Variants in EIF4G3 observed in about 807,000 individuals in gnomAD.
EIF4G3 encodes the protein eukaryotic translation initiation factor 4 gamma 3.
Under a neutral mutation model 186.4 loss-of-function variants are expected in EIF4G3, and 34 were observed. The observed-to-expected ratio is 0.18, with a 90% CI of 0.14 to 0.24. The LOEUF is 0.24. Ranked by LOEUF, EIF4G3 falls within the 10% of genes least tolerant of loss-of-function variation. The pLI, the probability that EIF4G3 is intolerant of heterozygous loss-of-function variation, is 1.00. For missense variants in EIF4G3, 1,536 were observed against 1,948.5 expected (o/e 0.79, Z 3.99); for synonymous variants, 673 against 679.5 (o/e 0.99, Z 0.15).
chr1:20,921,095 A>G (rs542018779), intron 14 of EIF4G3, among the ~76,000 whole-genome samples: 8 of 152,296 alleles, frequency 5.3e-5, no homozygotes, highest in East Asian at 1.9e-4. Flanking sequence ...GTAAACATTT[A>G]TAAGAAAATT....
intron 14 of EIF4G3, among the ~76,000 whole-genome samples, chr1:20,907,986 T>C (rs2092546796): frequency 6.6e-6 from 1 of 151,644 alleles, no homozygotes; most frequent in South Asian, 2.1e-4. Flanking sequence ...TCCACAATGG[T>C]TGAACTAGTT....
chr1:20,949,422 G>A (rs1288180433), intron 13 of EIF4G3, among the ~76,000 whole-genome samples: 1 of 152,096 alleles, frequency 6.6e-6, no homozygotes, highest in Non-Finnish European at 1.5e-5. Flanking sequence ...CCTGTGATAG[G>A]CATGTTCCCA....
chr1:21,021,219 A>G (rs534804041), intron 4 of EIF4G3, among the ~76,000 whole-genome samples: 1 of 152,292 alleles, frequency 6.6e-6, no homozygotes, highest in East Asian at 1.9e-4. Flanking sequence ...CCTGGCCTCA[A>G]GTGATCCGCC....
At chr1:20,945,936 T>G (rs1025472848) in intron 13 of EIF4G3, among the ~76,000 whole-genome samples, 1 of 152,226 alleles carries the variant, frequency 6.6e-6, no homozygotes, top group Non-Finnish European at 1.5e-5. Flanking sequence ...AGACACATAC[T>G]TTTTCATTTT....
intron 14 of EIF4G3, among the ~76,000 whole-genome samples, chr1:20,918,145 C>T (rs575580943): frequency 6.6e-6 from 1 of 152,250 alleles, no homozygotes; most frequent in Admixed American, 6.5e-5. Flanking sequence ...CCTCAGCACT[C>T]TGTGTCTGAT....
intron 4 of EIF4G3, among the ~76,000 whole-genome samples, chr1:21,035,733 C>T (rs942587576): frequency 5.9e-5 from 9 of 152,224 alleles, no homozygotes; most frequent in African/African-American, 2.2e-4. Flanking sequence ...GGGCCATAGG[C>T]AGTGGTGGGA....
intron 2 of EIF4G3, among the ~76,000 whole-genome samples, chr1:21,172,589 C>T (rs555956003): frequency 1.3e-5 from 2 of 152,232 alleles, no homozygotes; most frequent in African/African-American, 4.8e-5. Flanking sequence ...CTCGCTGTCA[C>T]CCAGGTTGGA....
At chr1:21,146,621 G>A (rs371426628) in intron 2 of EIF4G3, among the ~76,000 whole-genome samples, 1 of 152,006 alleles carries the variant, frequency 6.6e-6, no homozygotes, top group East Asian at 1.9e-4. Context: ...ACCGGGCATG[G>A]TGGTGGCCAC....
At chr1:20,825,625 G>C (rs1055403978) in intron 32 of EIF4G3, among the ~76,000 whole-genome samples, 3 of 152,124 alleles carry the variant, frequency 2.0e-5, no homozygotes, top group Admixed American at 6.5e-5. Context: ...GGTTATTTGG[G>C]ATTTATAAAC....
chr1:20,886,387 T>C lies in EIF4G3; in HGVS notation c.2254-16A>G. 1 of 1,611,336 alleles carries C rather than the reference T, an allele frequency of 6.2e-7. No homozygotes were observed. Among genetic ancestry groups the C allele is most frequent in the South Asian group, 1.1e-5 (1 of 90,352 alleles). On this transcript the variant is annotated splice_polypyrimidine_tract_variant and intron_variant, in intron 18 of 36. Transcript: ENST00000602326. ...CATTCAACAACTAGGACAAGAATAT[T>C]ACAGCTATTCAGAGTACTTACAATT...
chr1:20,908,498 A>G (rs1003082181), intron 14 of EIF4G3, among the ~76,000 whole-genome samples: 2 of 152,212 alleles, frequency 1.3e-5, no homozygotes, highest in Non-Finnish European at 2.9e-5. Flanking sequence ...ATTGGAGGGA[A>G]ACAATTTTTG....
intron 3 of EIF4G3, among the ~76,000 whole-genome samples, chr1:21,084,224 T>C (rs1019274547): frequency 3.4e-5 from 5 of 147,896 alleles, no homozygotes; most frequent in African/African-American, 9.9e-5. Flanking sequence ...CCTGAGACTG[T>C]GTAATTTAAA....
At chr1:21,086,397 C>A (rs549217276) in intron 3 of EIF4G3, among the ~76,000 whole-genome samples, 1 of 151,732 alleles carries the variant, frequency 6.6e-6, no homozygotes, top group Non-Finnish European at 1.5e-5. Context: ...AGCTTAAAAC[C>A]CCCCCAACCA....
intron 14 of EIF4G3, among the ~76,000 whole-genome samples, chr1:20,926,153 G>C (rs16824850): frequency 0.1 from 15,463 of 152,144 alleles, 1,047 homozygotes; most frequent in East Asian, 0.28. Flanking sequence ...AGGATATGTA[G>C]CTTAATTTGA....
intron 2 of EIF4G3, among the ~76,000 whole-genome samples, chr1:21,137,175 A>C (rs2097261295): frequency 6.9e-6 from 1 of 145,978 alleles, no homozygotes; most frequent in Non-Finnish European, 1.5e-5. Context: ...ACTAGGTCTC[A>C]CTCTGTTGCT....
At chr1:21,031,712 T>C (rs2092764956) in intron 4 of EIF4G3, among the ~76,000 whole-genome samples, 1 of 152,126 alleles carries the variant, frequency 6.6e-6, no homozygotes, top group Non-Finnish European at 1.5e-5. Flanking sequence ...CTCACCCCTA[T>C]AAAATAAAAA....
chr1:20,923,515 C>A (rs2094634099), intron 14 of EIF4G3, among the ~76,000 whole-genome samples: 1 of 152,138 alleles, frequency 6.6e-6, no homozygotes, highest in African/African-American at 2.4e-5. Context: ...TCAATCACTA[C>A]AGCACAAATA....
chr1:21,100,301 T>A (rs1322876994), intron 2 of EIF4G3, among the ~76,000 whole-genome samples: 2 of 152,226 alleles, frequency 1.3e-5, no homozygotes, highest in Non-Finnish European at 2.9e-5. Context: ...TGCACAACTC[T>A]GGATATTAAG....
At chr1:20,870,361 C>T (rs1188498688) in intron 20 of EIF4G3, among the ~76,000 whole-genome samples, 3 of 152,106 alleles carry the variant, frequency 2.0e-5, no homozygotes, top group Non-Finnish European at 4.4e-5. Context: ...CCTTTAGTGC[C>T]ATTCTTTGTA....
Sources: allele counts gnomAD v4.1 joint callset (sites outside exome capture counted in the v4.1 genomes callset), GRCh38; gene constraint gnomAD v4.1.1; transcripts MANE v1.5; gene names NCBI Gene and HGNC (gene_info 2026-07-23, HGNC 2026-07-21).